The following BRWD1 variants were observed in gnomAD, a reference collection of about 807,000 sequenced individuals.
BRWD1 encodes bromodomain and WD repeat-containing protein 1.
A neutral mutation model predicts 251.2 loss-of-function variants in BRWD1; 82 were observed. The observed-to-expected ratio is 0.33, with a 90% CI of 0.27 to 0.39. The LOEUF (loss-of-function observed/expected upper bound fraction) is 0.39, where lower values mean the gene tolerates loss of function less well. Ranked by LOEUF, BRWD1 falls within the 10% of genes least tolerant of loss-of-function variation. The pLI, the probability that BRWD1 is intolerant of heterozygous loss-of-function variation, is 1.00. For synonymous variants in BRWD1, 918 were observed against 902.8 expected (o/e 1.02, Z -0.30); for missense variants, 2,233 against 2,711.6 (o/e 0.82, Z 3.92).
At chr21:39,286,766 G>A (rs975689566) in intron 8 of BRWD1, among the ~76,000 whole-genome samples, 4 of 151,868 alleles carry the variant, frequency 2.6e-5, no homozygotes, top group Non-Finnish European at 4.4e-5. Flanking sequence ...CGCCCACCTC[G>A]GCCTCCCAAA....
chr21:39,202,361 T>C lies in BRWD1; in HGVS notation c.4549A>G (p.Arg1517Gly). The C allele has an allele frequency of 6.2e-7, 1 of 1,613,678 alleles. No homozygotes were observed. Among genetic ancestry groups the C allele is most frequent in the South Asian group, 1.1e-5 (1 of 91,064 alleles). The change falls in exon 38 of 41, where the codon AGA becomes GGA. Residue 1517 changes from arginine to glycine, a missense_variant. Physicochemically the swap from Arg to Gly is moderately radical, Grantham distance 125 (BLOSUM62 -2). This residue lies in a region of BRWD1 where 928 missense variants were observed against 970.0 expected (regional missense o/e 0.96). Coordinates refer to ENST00000342449, the MANE Select transcript of BRWD1 (RefSeq NM_033656.4). Reference sequence around the variant, plus strand: ...GAACCATTTGTTATAGGTCTATTTCTTTTCCTCCTTTCTGATGATTCTGCT... The same window carrying C: ...GAACCATTTGTTATAGGTCTATTTCCTTTCCTCCTTTCTGATGATTCTGCT... ...DSAESSERRK[R>G]NRPITNGSTL...
chr21:39,188,357 C>G lies in BRWD1; in HGVS notation c.*7902G>C, dbSNP rs566321778. 2 of 985,330 alleles carry G rather than the reference C, an allele frequency of 2.0e-6. No homozygotes were observed. Among genetic ancestry groups the G allele is most frequent in the South Asian group, 4.7e-5 (1 of 21,284 alleles). 61.0% of individuals were successfully genotyped at this position (985,330 alleles called of 1,614,324 possible). A position where few individuals can be genotyped will look rare whatever the true frequency, so the allele number is the denominator to read the frequency against. ...GACATTTAGCATTCAAAAGGTAAGG[C>G]TGTAGATCACTGAAATAACCAGTTG... On this transcript the variant is annotated 3_prime_UTR_variant, in exon 41 of 41. Transcript: ENST00000342449.
intron 17 of BRWD1, among the ~76,000 whole-genome samples, chr21:39,259,984 T>C (rs181426357): frequency 3.3e-4 from 51 of 152,280 alleles, no homozygotes; most frequent in Non-Finnish European, 6.8e-4. Flanking sequence ...AGGGAGGACA[T>C]TTCCATCCTG....
At chr21:39,272,977 T>C (rs2035166051) in intron 13 of BRWD1, among the ~76,000 whole-genome samples, 2 of 152,208 alleles carry the variant, frequency 1.3e-5, no homozygotes, top group African/African-American at 4.8e-5. Flanking sequence ...TCGCCAATAT[T>C]AGAACACTAA....
At position 39,193,715 on chromosome 21, in the gene BRWD1, C is replaced by G. The variant is rs2031670465; in HGVS notation, c.*2544G>C. 2.0e-6 allele frequency: 2 copies of G among 985,432 alleles called. No individual in the cohort carries two copies. Among genetic ancestry groups the G allele is most frequent in the East Asian group, 2.3e-4 (2 of 8,806 alleles). 61.0% of individuals were successfully genotyped at this position (985,432 alleles called of 1,614,324 possible). ...AAATTATAACCCTTTATCTTTTTCT[C>G]AAGAATACTACAAACTGACCCTAAA... On this transcript the variant is annotated 3_prime_UTR_variant, in exon 41 of 41. Coordinates refer to ENST00000342449, the MANE Select transcript of BRWD1 (RefSeq NM_033656.4).
In BRWD1 at chr21:39,196,246, C is replaced by G; in HGVS notation, c.*13G>C. ...GTCCATTTCCTCTTAAATGAACTGG[C>G]TTTCCCTCAAGGTCATAAGGTGCAA... On this transcript the variant is annotated 3_prime_UTR_variant, in exon 41 of 41. Coordinates refer to ENST00000342449, the MANE Select transcript of BRWD1 (RefSeq NM_033656.4). 6.5e-7 allele frequency: 1 copy of G among 1,548,584 alleles called. No homozygotes were observed. Among genetic ancestry groups the G allele is most frequent in the South Asian group, 1.3e-5 (1 of 78,100 alleles).
intron 17 of BRWD1, among the ~76,000 whole-genome samples, chr21:39,262,106 T>C (rs992798683): frequency 1.3e-5 from 2 of 152,194 alleles, no homozygotes; most frequent in African/African-American, 2.4e-5. Context: ...AATTATTTCA[T>C]CCAGAAGACA....
chr21:39,213,096 C>T (rs1275215416), intron 33 of BRWD1, among the ~76,000 whole-genome samples: 4 of 152,092 alleles, frequency 2.6e-5, no homozygotes, highest in Non-Finnish European at 2.9e-5. Context: ...CCCCATCTAA[C>T]TTTTTTATTT....
At chr21:39,311,863 T>A (rs952758162) in intron 4 of BRWD1, among the ~76,000 whole-genome samples, 1 of 152,204 alleles carries the variant, frequency 6.6e-6, no homozygotes, top group Non-Finnish European at 1.5e-5. Context: ...ACCAGTAATC[T>A]TCTACCACTT....
At chr21:39,236,848 C>CAATCCCTCA (rs2146567676) in intron 22 of BRWD1, 64 bp from the exon 23 acceptor site, 1 of 1,405,964 alleles carries the variant, frequency 7.1e-7, no homozygotes, top group South Asian at 1.3e-5. Flanking sequence ...GCAAGTCAAT[C>CAATCCCTCA]ATATAAAATT....
rs141195748 is a variant in BRWD1 at position 39,238,417 on chromosome 21, T to C, written c.2576+62A>G. 49 of 1,357,566 alleles carry C rather than the reference T, an allele frequency of 3.6e-5. 1 individual carries two copies. In the Middle Eastern group the frequency reaches 9.2e-4, roughly 26 times the overall value. 84.1% of individuals were successfully genotyped at this position (1,357,566 alleles called of 1,614,324 possible). ...TCTTGCCTCTTGAATAAAATTCAAG[T>C]ATGATTCCATCCAAGACTATGACTA... On this transcript the variant is annotated intron_variant, in intron 22 of 40. Coordinates refer to ENST00000342449, the MANE Select transcript of BRWD1 (RefSeq NM_033656.4).
chr21:39,305,334 A>T (rs1272844862), intron 4 of BRWD1, among the ~76,000 whole-genome samples: 1 of 152,172 alleles, frequency 6.6e-6, no homozygotes, highest in Non-Finnish European at 1.5e-5. Flanking sequence ...GATACATATG[A>T]TCTGAAAATA....
At chr21:39,235,954 T>C (rs2033796051) in intron 23 of BRWD1, 1 of 208,066 alleles carries the variant, frequency 4.8e-6, no homozygotes, top group Non-Finnish European at 1.0e-5. Context: ...TTCACAAAGG[T>C]GGCAAGAGGC....
At chr21:39,210,217 C>A (rs915632608) in intron 35 of BRWD1, 70 bp from the exon 36 acceptor site, 3 of 1,300,766 alleles carry the variant, frequency 2.3e-6, no homozygotes, top group Non-Finnish European at 3.2e-6. Context: ...TGCATCAGAT[C>A]TCTAAAAAAT....
intron 8 of BRWD1, among the ~76,000 whole-genome samples, chr21:39,280,481 A>C (rs1031584583): frequency 4.6e-5 from 7 of 152,210 alleles, no homozygotes; most frequent in African/African-American, 1.7e-4. Context: ...GAAAAACTTT[A>C]ACAAGGTGGA....
At chr21:39,254,570 A>C (rs1177966342) in intron 19 of BRWD1, among the ~76,000 whole-genome samples, 1 of 152,176 alleles carries the variant, frequency 6.6e-6, no homozygotes, top group African/African-American at 2.4e-5. Context: ...AAAAGGAATA[A>C]ATCTTTATTT....
At chr21:39,306,232 G>C (rs1004127932) in intron 4 of BRWD1, among the ~76,000 whole-genome samples, 22 of 151,978 alleles carry the variant, frequency 1.4e-4, no homozygotes, top group Non-Finnish European at 2.6e-4. Context: ...ACCACGTCTG[G>C]CTAATTTTTT....
At chr21:39,319,097 G>A (rs550722558) in intron 1 of BRWD1, among the ~76,000 whole-genome samples, 3 of 152,220 alleles carry the variant, frequency 2.0e-5, no homozygotes, top group East Asian at 3.9e-4. Flanking sequence ...AAATGAAGAA[G>A]GTATCTGATC....
At chr21:39,213,689 C>T (rs558172073) in intron 32 of BRWD1, 136 bp from the exon 33 acceptor site, 10 of 553,702 alleles carry the variant, frequency 1.8e-5, no homozygotes, top group Admixed American at 7.5e-5. Context: ...TCAGGTTTTC[C>T]CCCAACCCTT....
Sources: allele counts gnomAD v4.1 joint callset (sites outside exome capture counted in the v4.1 genomes callset), GRCh38; gene constraint gnomAD v4.1.1; regional missense constraint gnomAD v4.1.1; transcripts MANE v1.5; gene names NCBI Gene and HGNC (gene_info 2026-07-23, HGNC 2026-07-21).